The following DCC variants were observed in gnomAD, a reference collection of about 807,000 sequenced individuals.
The protein encoded by DCC is DCC netrin 1 receptor, also known as netrin receptor DCC.
A neutral mutation model predicts 172.5 loss-of-function variants in DCC; 58 were observed. The ratio of observed to expected loss-of-function variants is 0.34; its 90% CI spans 0.27 to 0.42. The LOEUF (loss-of-function observed/expected upper bound fraction) is 0.42, where lower values mean the gene tolerates loss of function less well. Ranked by LOEUF, DCC falls within the 10% of genes least tolerant of loss-of-function variation. The pLI, the probability that DCC is intolerant of heterozygous loss-of-function variation, is 1.00. For synonymous variants in DCC, 709 were observed against 644.5 expected, an observed-to-expected ratio of 1.10 and a Z score of -1.52; for missense variants, 1,740 against 1,791.0, an observed-to-expected ratio of 0.97 and a Z score of 0.51.
At chr18:52,401,200 G>A (rs1318629160) in intron 1 of DCC, among the ~76,000 whole-genome samples, 2 of 151,920 alleles carry the variant, frequency 1.3e-5, no homozygotes, top group African/African-American at 2.4e-5. Flanking sequence ...ATTTGGGACC[G>A]GTAAAGTTCA....
At position 53,325,696 on chromosome 18, in the gene DCC, G is replaced by A. The variant is rs146689898; in HGVS notation, c.2164+3539G>A. On this transcript the variant is annotated intron_variant, in intron 14 of 28. Transcript: ENST00000442544. ...TTTGTTTGAACTTTTCTATGCTCTT[G>A]GCTTAATAATGGCCCTCTTGTACAT... Among the ~76,000 whole-genome samples, 8 of 152,200 alleles carry A rather than the reference G, an allele frequency of 5.3e-5. No individual in the cohort carries two copies. In the East Asian group the frequency reaches 1.4e-3, roughly 26 times the overall value.
At chr18:53,335,471 G>A (rs1568063991) in intron 14 of DCC, among the ~76,000 whole-genome samples, 1 of 152,142 alleles carries the variant, frequency 6.6e-6, no homozygotes, top group South Asian at 2.1e-4. Context: ...TATGCTGCAT[G>A]TGAACATTAC....
rs1177367647 is a variant in DCC at position 53,179,076 on chromosome 18, A to G, written c.1533A>G (p.Gly511=). The G allele has an allele frequency of 8.1e-6, 13 of 1,613,990 alleles. No individual in the cohort carries two copies. Among genetic ancestry groups the G allele is most frequent in the Admixed American group, 1.7e-5 (1 of 59,978 alleles). The change falls in exon 9 of 29, where the codon GGA becomes GGG. Residue 511 remains glycine (G), a synonymous_variant. Transcript: ENST00000442544. The part of the protein sequence containing the change: ...RVVAYNEWGP[G]ESSQPIKVAT... Reference sequence around the variant, plus strand: ...TGGCTTACAATGAATGGGGACCGGGAGAGAGTTCTCAACCCATCAAGGTGG... The same window carrying G: ...TGGCTTACAATGAATGGGGACCGGGGGAGAGTTCTCAACCCATCAAGGTGG...
In DCC at chr18:52,752,137, C is replaced by T; in HGVS notation, c.175C>T (p.Leu59Phe). The change falls in exon 2 of 29, where the codon CTC (leucine) becomes TTC (phenylalanine). Residue 59 changes from leucine (L) to phenylalanine (F), a missense_variant. By Grantham distance (22) the Leu-to-Phe change is conservative. Around this residue, in one of 2 missense-constraint regions of DCC, gnomAD observed 1,732 missense variants for 1,767.4 expected, o/e 0.98. Transcript: ENST00000442544. ...CACAATGCGGGGAGGAAATGTCCTCCTCGACTGCTCCGCGGAGTCCGACCG... is the reference window on the plus strand; with the variant it reads ...CACAATGCGGGGAGGAAATGTCCTCTTCGACTGCTCCGCGGAGTCCGACCG... Reference protein sequence around the residue: ...AVTMRGGNVLLDCSAESDRGV... With the variant: ...AVTMRGGNVLFDCSAESDRGV... The T allele has an allele frequency of 6.2e-7, 1 of 1,614,154 alleles. No homozygotes were observed. The highest frequency in any genetic ancestry group is 8.5e-7 in the Non-Finnish European group (1 of 1,180,030).
chr18:53,508,549 CTTTTAG>C (rs1181062467), intron 27 of DCC, among the ~76,000 whole-genome samples: 1 of 152,122 alleles, frequency 6.6e-6, no homozygotes, highest in Non-Finnish European at 1.5e-5. Flanking sequence ...CAAAAATTAA[CTTTTAG>C]TTTTAGTGTT....
intron 2 of DCC, among the ~76,000 whole-genome samples, chr18:52,896,912 C>G (rs983314552): frequency 1.8e-4 from 28 of 152,090 alleles, no homozygotes; most frequent in African/African-American, 6.5e-4. Context: ...TTATAAAATT[C>G]ATTCCCTCAG....
At chr18:52,995,236 C>G (rs2041459160) in intron 5 of DCC, among the ~76,000 whole-genome samples, 1 of 152,212 alleles carries the variant, frequency 6.6e-6, no homozygotes, top group African/African-American at 2.4e-5. Flanking sequence ...ATAAGTGACT[C>G]TACAGCCGAA....
At chr18:53,309,962 G>GTATATATATATA (rs5825007) in intron 13 of DCC, among the ~76,000 whole-genome samples, 6,371 of 132,890 alleles carry the variant, frequency 0.048, 265 homozygotes, top group East Asian at 0.15. Flanking sequence ...ATATACGTGT[G>GTATATATATATA]TGTATATATA....
At chr18:53,116,268 T>A (rs73957092) in intron 7 of DCC, among the ~76,000 whole-genome samples, 1 of 151,746 alleles carries the variant, frequency 6.6e-6, no homozygotes, top group Non-Finnish European at 1.5e-5. Flanking sequence ...AGCCCGAGCA[T>A]AGGAGCTCAA....
chr18:53,398,714 A>G (rs1355561280), intron 18 of DCC, among the ~76,000 whole-genome samples: 2 of 152,162 alleles, frequency 1.3e-5, no homozygotes, highest in South Asian at 2.1e-4. Flanking sequence ...CTGACTTGAT[A>G]TATGCACCCT....
rs1177943871 is a variant in DCC, at chr18:53,464,840, G to A, written c.3620-3054G>A. Among the ~76,000 whole-genome samples, 3 of 151,968 alleles carry A rather than the reference G, an allele frequency of 2.0e-5. No individual in the cohort carries two copies. In the South Asian group the frequency reaches 6.2e-4, roughly 32 times the overall value. ...AGTAAAAGTACAAAATTAGCCAGAC[G>A]TGGTGGTACATGCCTGTAATCCCAG... is the stretch of plus-strand genomic sequence containing the variant. On this transcript the variant is annotated intron_variant, in intron 24 of 28. Coordinates refer to ENST00000442544, the MANE Select transcript of DCC (RefSeq NM_005215.4).
intron 15 of DCC, among the ~76,000 whole-genome samples, chr18:53,340,423 A>C (rs946194753): frequency 6.6e-6 from 1 of 152,026 alleles, no homozygotes; most frequent in Admixed American, 6.6e-5. Flanking sequence ...TGACTGCAAA[A>C]GAAGATGAAA....
intron 2 of DCC, among the ~76,000 whole-genome samples, chr18:52,895,709 C>A (rs1451825988): frequency 6.6e-6 from 1 of 152,084 alleles, no homozygotes; most frequent in Non-Finnish European, 1.5e-5. Flanking sequence ...TTTTAAATAA[C>A]AATATTGAAT....
At chr18:53,080,797 T>C (rs976593658) in intron 7 of DCC, among the ~76,000 whole-genome samples, 7 of 152,096 alleles carry the variant, frequency 4.6e-5, no homozygotes, top group African/African-American at 1.7e-4. Context: ...TGATGCTGAC[T>C]GGGAATTCTG....
rs1909183443 is a variant in DCC, at chr18:53,399,651, TCCCAGCAC to T, written c.2827+2206_2827+2213del. The stretch of plus-strand genomic sequence containing the variant: ...CGGGCGCGGTGGCTCACGCCTGTAA[TCCCAGCAC>T]TTTGGGAGGCCGAGGCGGGCGGATC... On this transcript the variant is annotated intron_variant, in intron 18 of 28. Coordinates refer to ENST00000442544, the MANE Select transcript of DCC (RefSeq NM_005215.4). Among the ~76,000 whole-genome samples the T allele has an allele frequency of 2.7e-3, 2 of 742 alleles. 1 individual carries two copies. Among genetic ancestry groups the T allele is most frequent in the African/African-American group, 2.7e-3 (2 of 738 alleles). 0.5% of individuals were successfully genotyped at this position (742 alleles called of 152,430 possible). A position where few individuals can be genotyped will look rare whatever the true frequency, so the allele number is the denominator to read the frequency against.
At chr18:53,299,392 G>A (rs189899198) in intron 12 of DCC, among the ~76,000 whole-genome samples, 32 of 152,194 alleles carry the variant, frequency 2.1e-4, no homozygotes, top group Non-Finnish European at 4.4e-4. Flanking sequence ...TAGCCACTAA[G>A]AGACTACATG....
chr18:53,027,834 T>G (rs1311112765), intron 5 of DCC, among the ~76,000 whole-genome samples: 1 of 152,090 alleles, frequency 6.6e-6, no homozygotes, highest in Non-Finnish European at 1.5e-5. Flanking sequence ...TATTTTTTTT[T>G]TCTGTTCTAA....
At chr18:53,391,566 T>C in intron 16 of DCC, 89 bp from the exon 17 acceptor site, 3 of 839,766 alleles carry the variant, frequency 3.6e-6, no homozygotes, top group East Asian at 2.4e-5. Flanking sequence ...ATTTAACTCA[T>C]TGTGATGTGT....
At chr18:53,062,966 T>C (rs1163132210) in intron 5 of DCC, among the ~76,000 whole-genome samples, 1 of 152,144 alleles carries the variant, frequency 6.6e-6, no homozygotes, top group Non-Finnish European at 1.5e-5. Flanking sequence ...CAGAATAGTT[T>C]CCAAAGACTT....
Sources: allele counts gnomAD v4.1 joint callset (sites outside exome capture counted in the v4.1 genomes callset), GRCh38; gene constraint gnomAD v4.1.1; regional missense constraint gnomAD v4.1.1; transcripts MANE v1.5; gene names NCBI Gene and HGNC (gene_info 2026-07-23, HGNC 2026-07-21).